The following SMAP1 variants were observed in gnomAD, a reference collection of about 807,000 sequenced individuals.
SMAP1 encodes the protein stromal membrane-associated protein 1.
Under a neutral mutation model 58.5 loss-of-function variants are expected in SMAP1, and 24 were observed. The observed-to-expected ratio is 0.41, with a 90% confidence interval of 0.30 to 0.58. The LOEUF is 0.58. Among genes scored for constraint, SMAP1 ranks in the 20% least tolerant of loss-of-function variants. The pLI is 0.29. For synonymous variants in SMAP1, 216 were observed against 196.6 expected (o/e 1.10, Z -0.82); for missense variants, 563 against 566.3 (o/e 0.99, Z 0.06).
At chr6:70,700,550 G>A (rs933512938) in intron 1 of SMAP1, among the ~76,000 whole-genome samples, 1 of 152,126 alleles carries the variant, frequency 6.6e-6, no homozygotes, top group Admixed American at 6.5e-5. Flanking sequence ...CACCTGCCTT[G>A]GCCTCCCAAA....
chr6:70,837,753 A>T (rs1324432915), intron 7 of SMAP1: 3 of 1,205,510 alleles, frequency 2.5e-6, no homozygotes, highest in East Asian at 6.9e-5. Flanking sequence ...TTGGCACAGG[A>T]ATAATTTAAA....
At chr6:70,821,706 A>G (rs1769898633) in intron 6 of SMAP1, among the ~76,000 whole-genome samples, 1 of 152,198 alleles carries the variant, frequency 6.6e-6, no homozygotes, top group Non-Finnish European at 1.5e-5. Context: ...AGCAATAGCA[A>G]GATGATAGTA....
intron 1 of SMAP1, among the ~76,000 whole-genome samples, chr6:70,698,096 T>C (rs1360671801): frequency 6.6e-6 from 1 of 152,262 alleles, no homozygotes; most frequent in Non-Finnish European, 1.5e-5. Flanking sequence ...ATGTCTGGTG[T>C]TGATGAAATC....
At chr6:70,720,347 G>A (rs1768467901) in intron 1 of SMAP1, among the ~76,000 whole-genome samples, 1 of 152,186 alleles carries the variant, frequency 6.6e-6, no homozygotes, top group African/African-American at 2.4e-5. Context: ...CTGCCCCTGT[G>A]GTTTTGCAGG....
At chr6:70,780,622 C>T (rs1210284398) in intron 4 of SMAP1, among the ~76,000 whole-genome samples, 1 of 152,160 alleles carries the variant, frequency 6.6e-6, no homozygotes. Flanking sequence ...GTCCTCCTTC[C>T]CTTGCTCACT....
intron 4 of SMAP1, among the ~76,000 whole-genome samples, chr6:70,787,992 C>T (rs537882349): frequency 1.1e-4 from 16 of 152,230 alleles, no homozygotes; most frequent in African/African-American, 2.9e-4. Context: ...TATAAAGACA[C>T]GTGCCCACGT....
chr6:70,839,628 C>A (rs1028981812), intron 7 of SMAP1, among the ~76,000 whole-genome samples: 7 of 152,068 alleles, frequency 4.6e-5, no homozygotes, highest in Non-Finnish European at 1.0e-4. Context: ...CAATGACTCA[C>A]AGTGGGTCAT....
intron 5 of SMAP1, among the ~76,000 whole-genome samples, chr6:70,792,061 G>GT (rs1217735612): frequency 5.3e-5 from 8 of 151,750 alleles, no homozygotes; most frequent in Non-Finnish European, 1.2e-4. Flanking sequence ...TTACAGGAAC[G>GT]TTTTTTTAAA....
chr6:70,748,338 C>A (rs919291582), intron 2 of SMAP1, among the ~76,000 whole-genome samples: 6 of 152,010 alleles, frequency 3.9e-5, no homozygotes, highest in African/African-American at 1.4e-4. Flanking sequence ...TGTTTTAAAG[C>A]TTTTAATGAA....
At chr6:70,719,109 A>G (rs1459219072) in intron 1 of SMAP1, among the ~76,000 whole-genome samples, 1 of 152,180 alleles carries the variant, frequency 6.6e-6, no homozygotes, top group African/African-American at 2.4e-5. Flanking sequence ...AGCAGGTGAA[A>G]TTAGCAAGGA....
intron 3 of SMAP1, among the ~76,000 whole-genome samples, chr6:70,766,432 G>A (rs1222760621): frequency 1.3e-5 from 2 of 152,228 alleles, no homozygotes; most frequent in African/African-American, 2.4e-5. Context: ...TTTAATGATT[G>A]CCATTCTAAC....
At chr6:70,820,613 G>A (rs1312665111) in intron 6 of SMAP1, among the ~76,000 whole-genome samples, 1 of 152,076 alleles carries the variant, frequency 6.6e-6, no homozygotes, top group African/African-American at 2.4e-5. Flanking sequence ...GGCTGAAGCA[G>A]GGGAATTGCT....
At chr6:70,695,257 A>C (rs878962392) in intron 1 of SMAP1, among the ~76,000 whole-genome samples, 2 of 152,108 alleles carry the variant, frequency 1.3e-5, no homozygotes, top group African/African-American at 4.8e-5. Context: ...TTCCTTTCCA[A>C]ATTGGATGCC....
intron 4 of SMAP1, among the ~76,000 whole-genome samples, chr6:70,776,856 G>A (rs1203925172): frequency 2.6e-5 from 4 of 152,120 alleles, no homozygotes; most frequent in Admixed American, 2.6e-4. Flanking sequence ...ATTCCATTGT[G>A]TATATATATC....
At position 70,857,936 on chromosome 6, in the gene SMAP1, C is replaced by A; in HGVS notation, c.976C>A (p.Pro326Thr). 1.2e-6 allele frequency: 2 copies of A among 1,613,908 alleles called. No homozygotes were observed. Among genetic ancestry groups the A allele is most frequent in the Non-Finnish European group, 1.7e-6 (2 of 1,179,892 alleles). Residue 326 changes from proline to threonine, a missense_variant, in exon 10 of 11, where the codon CCC (proline) becomes ACC (threonine). Pro to Thr is a conservative substitution (Grantham distance 38). Transcript: ENST00000370455. ...TTGTGGTGCAGGTGTATTTATGGGA[C>A]CCACAAATATACCATTTACCTCACA... is the stretch of plus-strand genomic sequence containing the variant. ...QQSTPGVFMG[P>T]TNIPFTSQAP...
At chr6:70,802,929 C>T (rs553547005) in intron 6 of SMAP1, among the ~76,000 whole-genome samples, 22 of 152,160 alleles carry the variant, frequency 1.4e-4, no homozygotes, top group Middle Eastern at 3.4e-3. Flanking sequence ...TGAGGATTTT[C>T]GCATCGATGT....
At position 70,708,731 on chromosome 6, in the gene SMAP1, T is replaced by C. The variant is rs58059117; in HGVS notation, c.119-23647T>C. 1.4e-3 allele frequency among the ~76,000 whole-genome samples: 219 copies of C among 152,344 alleles called. 1 individual carries two copies. The highest frequency in any genetic ancestry group is 5.1e-3 in the African/African-American group (213 of 41,582). On this transcript the variant is annotated intron_variant, in intron 1 of 10. Coordinates refer to ENST00000370455, the MANE Select transcript of SMAP1 (RefSeq NM_001044305.3). ...TGATGACTAATGATGTTGAGTACTT[T>C]CTGATATATGTATTGGCTATTTTTA...
chr6:70,751,517 A>C lies in SMAP1; in HGVS notation c.253-3463A>C, dbSNP rs76998256. ...AATATTTAAAAAATAAATTTAATAG[A>C]AACTTTAACTTAAGTAGTTCAGAGT... is the stretch of plus-strand genomic sequence containing the variant. On this transcript the variant is annotated intron_variant, in intron 2 of 10. Transcript: ENST00000370455. Among the ~76,000 whole-genome samples, 553 of 152,248 alleles carry C rather than the reference A, an allele frequency of 3.6e-3. 2 individuals are homozygous for C. The highest frequency in any genetic ancestry group is 0.013 in the African/African-American group (530 of 41,560).
intron 7 of SMAP1, among the ~76,000 whole-genome samples, chr6:70,851,219 AT>A (rs1771172553): frequency 6.6e-6 from 1 of 152,184 alleles, no homozygotes; most frequent in African/African-American, 2.4e-5. Flanking sequence ...ATAGCAAAAA[AT>A]ATTTTATCGT....
Sources: allele counts gnomAD v4.1 joint callset (sites outside exome capture counted in the v4.1 genomes callset), GRCh38; gene constraint gnomAD v4.1.1; transcripts MANE v1.5; gene names NCBI Gene and HGNC (gene_info 2026-07-23, HGNC 2026-07-21).